The following TRIM67 variants were observed in gnomAD, a reference collection of about 807,000 sequenced individuals.
TRIM67 encodes the protein tripartite motif-containing protein 67.
In TRIM67, 39 loss-of-function variants were observed where a neutral mutation model predicts 71.0. The ratio of observed to expected loss-of-function variants is 0.55; its 90% CI spans 0.43 to 0.72. The LOEUF (loss-of-function observed/expected upper bound fraction) is 0.72. TRIM67 is among the 30% of genes least tolerant of loss of function. The probability of loss-of-function intolerance (pLI) is 0.00; values close to 1 mark genes in which losing one functional copy is unlikely to be tolerated. For synonymous variants in TRIM67, 481 were observed against 473.9 expected (o/e 1.01, Z -0.19); for missense variants, 973 against 1,079.2 (o/e 0.90, Z 1.38).
At chr1:231,215,107 T>C (rs1683979041) in intron 9 of TRIM67, among the ~76,000 whole-genome samples, 1 of 152,248 alleles carries the variant, frequency 6.6e-6, no homozygotes, top group Admixed American at 6.5e-5. Flanking sequence ...TGATGGCGTC[T>C]ACTTTGCCCA....
chr1:231,169,993 C>CTTTTTTTTTTTTTTTTT (rs369558747), intron 1 of TRIM67, among the ~76,000 whole-genome samples: 2,086 of 134,778 alleles, frequency 0.015, 114 homozygotes, highest in African/African-American at 0.043. Flanking sequence ...TTCTTTCTCT[C>CTTTTTTTTTTTTTTTTT]TTTTTTTTTT....
At chr1:231,175,672 C>T (rs560507787) in intron 1 of TRIM67, among the ~76,000 whole-genome samples, 7 of 152,214 alleles carry the variant, frequency 4.6e-5, no homozygotes, top group Non-Finnish European at 7.3e-5. Context: ...AGGGAGATAC[C>T]GTCTCTATCT....
At chr1:231,165,792 C>T (rs1682445407) in intron 1 of TRIM67, among the ~76,000 whole-genome samples, 1 of 152,126 alleles carries the variant, frequency 6.6e-6, no homozygotes, top group Non-Finnish European at 1.5e-5. Context: ...ATTACCAAGA[C>T]AAGAAGTACA....
chr1:231,168,396 T>C (rs1558289276), intron 1 of TRIM67, among the ~76,000 whole-genome samples: 1 of 152,266 alleles, frequency 6.6e-6, no homozygotes, highest in Non-Finnish European at 1.5e-5. Flanking sequence ...AACATTTCGC[T>C]TGTTAAGTCT....
At chr1:231,206,890 G>A (rs1029868859) in intron 7 of TRIM67, 100 bp downstream of exon 7, 5 of 1,312,020 alleles carry the variant, frequency 3.8e-6, no homozygotes, top group Non-Finnish European at 5.1e-6. Context: ...GGGTAGGGGT[G>A]GGGGGTGGTG....
intron 1 of TRIM67, among the ~76,000 whole-genome samples, chr1:231,180,635 A>T (rs955294459): frequency 6.6e-6 from 1 of 152,176 alleles, no homozygotes; most frequent in African/African-American, 2.4e-5. Context: ...GAATCAAGGG[A>T]AGGAAGAAAA....
At chr1:231,170,637 G>T (rs1235935426) in intron 1 of TRIM67, among the ~76,000 whole-genome samples, 2 of 152,194 alleles carry the variant, frequency 1.3e-5, no homozygotes, top group African/African-American at 4.8e-5. Context: ...GTTCTAGATG[G>T]GAGGAATCTC....
At chr1:231,171,664 G>A (rs1682622528) in intron 1 of TRIM67, among the ~76,000 whole-genome samples, 1 of 152,004 alleles carries the variant, frequency 6.6e-6, no homozygotes, top group Non-Finnish European at 1.5e-5. Flanking sequence ...TGAAACTGAG[G>A]GTTTCAAAAT....
Position 231,200,199 on chromosome 1 carries a change from G to A in TRIM67, c.1315G>A (p.Gly439Arg), listed in dbSNP as rs750693842. Reference sequence around the variant, plus strand: ...CACATTGAAGCTGCGTCAGTCCACCGGACTGATGGAGTACTGCCTGGAGGT... The same window carrying A: ...CACATTGAAGCTGCGTCAGTCCACCAGACTGATGGAGTACTGCCTGGAGGT... ...HCTLKLRQST[G>R]LMEYCLEVIK... Residue 439 changes from glycine to arginine, a missense_variant, in exon 4 of 10, where the codon GGA becomes AGA. Coordinates refer to ENST00000366653, the MANE Select transcript of TRIM67 (RefSeq NM_001004342.5). The A allele has an allele frequency of 5.6e-6, 9 of 1,613,800 alleles. No homozygotes were observed. The highest frequency in any genetic ancestry group is 2.2e-5 in the East Asian group (1 of 44,878).
At chr1:231,174,946 C>A (rs1682707119) in intron 1 of TRIM67, among the ~76,000 whole-genome samples, 1 of 152,152 alleles carries the variant, frequency 6.6e-6, no homozygotes, top group African/African-American at 2.4e-5. Context: ...AAGATAGTCC[C>A]CTAGTTGTGA....
In TRIM67 at chr1:231,203,991, C is replaced by T. The variant is rs767051602; in HGVS notation, c.1659C>T (p.Asp553=). The change falls in exon 6 of 10, where the codon GAC becomes GAT. Residue 553 remains aspartate (D), a synonymous_variant. Coordinates refer to ENST00000366653, the MANE Select transcript of TRIM67 (RefSeq NM_001004342.5). ...ACGGCTACATCCTGGAGCTGGACGA[C>T]GGTGCCGGGGGACAGTTCCGGGTGA... ...PVDGYILELD[D]GAGGQFREVY... is the part of the protein sequence containing the mutation. The T allele has an allele frequency of 8.7e-6, 14 of 1,613,862 alleles. No individual in the cohort carries two copies. Among genetic ancestry groups the T allele is most frequent in the Middle Eastern group, 1.6e-4 (1 of 6,084 alleles).
At chr1:231,197,295 GC>G (rs1422076950) in intron 1 of TRIM67, 75 bp from the exon 2 acceptor site, 2 of 1,268,356 alleles carry the variant, frequency 1.6e-6, no homozygotes, top group Non-Finnish European at 2.3e-6. Flanking sequence ...ATAAACATAA[GC>G]TTTTATGATG....
intron 1 of TRIM67, among the ~76,000 whole-genome samples, chr1:231,193,485 A>G (rs1448609954): frequency 5.5e-5 from 5 of 91,184 alleles, no homozygotes; most frequent in Non-Finnish European, 9.2e-5. Context: ...AGAAAGAGAC[A>G]CCTGAACTCT....
intron 1 of TRIM67, among the ~76,000 whole-genome samples, chr1:231,175,878 C>T (rs1161353591): frequency 6.6e-6 from 1 of 152,196 alleles, no homozygotes; most frequent in Non-Finnish European, 1.5e-5. Flanking sequence ...CTTCCCGAGG[C>T]TCCTCTGGTT....
intron 1 of TRIM67, among the ~76,000 whole-genome samples, chr1:231,181,181 G>A (rs999176970): frequency 3.9e-5 from 6 of 152,156 alleles, no homozygotes; most frequent in Non-Finnish European, 8.8e-5. Flanking sequence ...GGCCAGGATG[G>A]TCTCGATGTC....
Position 231,163,002 on chromosome 1 carries a change from C to T in TRIM67, c.33C>T (p.Gly11=). 6.2e-7 allele frequency: 1 copy of T among 1,612,784 alleles called. No individual in the cohort carries two copies. The highest frequency in any genetic ancestry group is 8.5e-7 in the Non-Finnish European group (1 of 1,179,418). The change falls in exon 1 of 10, where the codon GGC becomes GGT. Residue 11 remains glycine, a synonymous_variant. Transcript: ENST00000366653. MEEELKCPVC[G]SLFREPIILP... is the part of the protein sequence containing the mutation. ...AAGAGCTGAAGTGTCCCGTGTGCGGCTCTCTGTTTCGGGAGCCTATCATCC... is the reference window on the plus strand; with the variant it reads ...AAGAGCTGAAGTGTCCCGTGTGCGGTTCTCTGTTTCGGGAGCCTATCATCC...
At chr1:231,188,244 AT>A (rs1571884029) in intron 1 of TRIM67, among the ~76,000 whole-genome samples, 1 of 152,120 alleles carries the variant, frequency 6.6e-6, no homozygotes, top group East Asian at 1.9e-4. Context: ...ATCCTCCCAC[AT>A]GTGTCCCCTG....
intron 1 of TRIM67, chr1:231,186,016 C>A: frequency 7.2e-7 from 1 of 1,392,590 alleles, no homozygotes; most frequent in African/African-American, 1.4e-5. Flanking sequence ...AAGATAGGTG[C>A]TTGGGTTGCA....
intron 9 of TRIM67, among the ~76,000 whole-genome samples, chr1:231,214,823 G>A (rs1400043060): frequency 6.6e-6 from 1 of 150,648 alleles, no homozygotes; most frequent in Non-Finnish European, 1.5e-5. Context: ...GGCTTGGCCT[G>A]ACATGGTGGC....
Sources: gnomAD v4.1 joint callset for allele counts (sites outside exome capture counted in the v4.1 genomes callset) on GRCh38, gnomAD v4.1.1 for gene constraint, MANE v1.5 for transcripts, NCBI Gene and HGNC (gene_info 2026-07-23, HGNC 2026-07-21) for gene names.